Variants in RALGPS1 observed in about 807,000 individuals in gnomAD.
The protein encoded by RALGPS1 is ras-specific guanine nucleotide-releasing factor RalGPS1.
Under a neutral mutation model 78.8 loss-of-function variants are expected in RALGPS1, and 19 were observed. The observed-to-expected ratio is 0.24, with a 90% CI of 0.17 to 0.35. The LOEUF is 0.35. Among genes scored for constraint, RALGPS1 ranks in the 10% least tolerant of loss-of-function variants. The pLI is 1.00. For synonymous variants in RALGPS1, 228 were observed against 256.3 expected (o/e 0.89, Z 1.06); for missense variants, 454 against 688.3 (o/e 0.66, Z 3.81).
At chr9:127,075,963 C>A (rs1410469715) in intron 8 of RALGPS1, among the ~76,000 whole-genome samples, 1 of 152,156 alleles carries the variant, frequency 6.6e-6, no homozygotes, top group Non-Finnish European at 1.5e-5. Flanking sequence ...ATTGTAGAGC[C>A]AGTTGGCTGT....
chr9:127,108,713 T>TCAC, intron 8 of RALGPS1: 1 of 1,608,724 alleles, frequency 6.2e-7, no homozygotes, highest in Non-Finnish European at 8.5e-7. Flanking sequence ...CACCAGCATG[T>TCAC]CACGCACAGT....
chr9:126,918,994 A>G (rs1470263190), intron 1 of RALGPS1, among the ~76,000 whole-genome samples: 1 of 152,128 alleles, frequency 6.6e-6, no homozygotes, highest in Non-Finnish European at 1.5e-5. Context: ...TTTTAAGGCT[A>G]GTGAGGGAAT....
intron 4 of RALGPS1, among the ~76,000 whole-genome samples, chr9:127,008,150 A>G (rs2044020587): frequency 6.6e-6 from 1 of 151,964 alleles, no homozygotes; most frequent in Non-Finnish European, 1.5e-5. Context: ...CAAAAAAAAA[A>G]AAAAATGATG....
rs146424350 is a variant in RALGPS1 at position 127,184,514 on chromosome 9, G to A, written c.910+9732G>A. Among the ~76,000 whole-genome samples, 7 of 152,292 alleles carry A rather than the reference G, an allele frequency of 4.6e-5. No homozygotes were observed. In the East Asian group the frequency reaches 1.4e-3, roughly 29 times the overall value. Reference sequence around the variant, plus strand: ...CAACACAGACTTTCTGTGCAGAGGGGCCCCAGTGTCCTGGAGAGCCACAGG... The same window carrying A: ...CAACACAGACTTTCTGTGCAGAGGGACCCCAGTGTCCTGGAGAGCCACAGG... On this transcript the variant is annotated intron_variant, in intron 11 of 18. Coordinates refer to ENST00000259351, the MANE Select transcript of RALGPS1 (RefSeq NM_014636.3).
chr9:127,035,644 C>CTCCA (rs542207055), intron 5 of RALGPS1, among the ~76,000 whole-genome samples: 13 of 152,152 alleles, frequency 8.5e-5, no homozygotes, highest in Non-Finnish European at 1.6e-4. Flanking sequence ...GCTCAACCCT[C>CTCCA]TCCAGGCTTC....
At chr9:127,079,815 TC>T (rs931109745) in intron 8 of RALGPS1, 2 of 152,132 alleles carry the variant, frequency 1.3e-5, no homozygotes, top group African/African-American at 4.8e-5. Context: ...AAATTCCCAA[TC>T]CACAGAAACT....
intron 8 of RALGPS1, among the ~76,000 whole-genome samples, chr9:127,109,599 C>T (rs2054596437): frequency 6.6e-6 from 1 of 152,246 alleles, no homozygotes; most frequent in Admixed American, 6.5e-5. Context: ...GAGCAGAACA[C>T]AGAATGTGTC....
intron 3 of RALGPS1, among the ~76,000 whole-genome samples, chr9:126,975,890 C>A (rs1315061930): frequency 2.0e-5 from 3 of 152,200 alleles, no homozygotes; most frequent in Non-Finnish European, 4.4e-5. Flanking sequence ...TCCCACCTCT[C>A]AGCCAGGCTG....
intron 4 of RALGPS1, among the ~76,000 whole-genome samples, chr9:126,987,528 A>C (rs1036697689): frequency 6.6e-6 from 1 of 152,020 alleles, no homozygotes; most frequent in Non-Finnish European, 1.5e-5. Context: ...ATACTGGTAC[A>C]TGCCAAAGGC....
chr9:127,177,861 C>T (rs563501049), intron 11 of RALGPS1: 9 of 1,548,454 alleles, frequency 5.8e-6, no homozygotes, highest in East Asian at 2.4e-5. Flanking sequence ...TTCCCACAAT[C>T]CACCCACACC....
intron 3 of RALGPS1, among the ~76,000 whole-genome samples, chr9:126,977,111 A>G (rs2040739155): frequency 6.6e-6 from 1 of 152,170 alleles, no homozygotes; most frequent in Non-Finnish European, 1.5e-5. Flanking sequence ...GCTTGCTCTC[A>G]GCTTCTGTAC....
intron 14 of RALGPS1, among the ~76,000 whole-genome samples, chr9:127,199,825 C>A (rs975971110): frequency 1.3e-5 from 2 of 152,122 alleles, no homozygotes; most frequent in African/African-American, 4.8e-5. Flanking sequence ...TGAGAGGAGG[C>A]GGGAAACATC....
At chr9:126,958,136 A>AG (rs1433193518) in intron 1 of RALGPS1, among the ~76,000 whole-genome samples, 1 of 91,282 alleles carries the variant, frequency 1.1e-5, no homozygotes, top group African/African-American at 3.3e-5. Flanking sequence ...TAAAAAAAAA[A>AG]AAAAAAATAT....
intron 7 of RALGPS1, among the ~76,000 whole-genome samples, chr9:127,054,838 G>C (rs965059225): frequency 6.6e-6 from 1 of 152,114 alleles, no homozygotes; most frequent in African/African-American, 2.4e-5. Context: ...AATTAGCTGG[G>C]CATGGTAATG....
chr9:127,030,739 A>G (rs1382922057), intron 4 of RALGPS1, among the ~76,000 whole-genome samples: 1 of 152,056 alleles, frequency 6.6e-6, no homozygotes, highest in Admixed American at 6.6e-5. Context: ...CAGGGATGAC[A>G]GAGGGCATCA....
At chr9:127,106,342 G>A (rs866143639) in intron 8 of RALGPS1, among the ~76,000 whole-genome samples, 20 of 152,272 alleles carry the variant, frequency 1.3e-4, no homozygotes, top group African/African-American at 4.3e-4. Flanking sequence ...AAGCAGACAC[G>A]TGTACAGATG....
intron 1 of RALGPS1, among the ~76,000 whole-genome samples, chr9:126,950,245 T>C (rs935220815): frequency 6.0e-4 from 92 of 152,316 alleles, no homozygotes; most frequent in African/African-American, 1.9e-3. Context: ...AGTCAGGTAG[T>C]GTGATGCCTC....
chr9:127,082,801 C>T (rs115100405), intron 8 of RALGPS1, among the ~76,000 whole-genome samples: 198 of 152,254 alleles, frequency 1.3e-3, no homozygotes, highest in African/African-American at 4.6e-3. Context: ...ACATGGAAAG[C>T]ACCCTATAGA....
chr9:126,917,422 A>G lies in RALGPS1; in HGVS notation c.-66+2447A>G, dbSNP rs755746675. Among the ~76,000 whole-genome samples, 29 of 152,314 alleles carry G rather than the reference A, an allele frequency of 1.9e-4. 1 individual carries two copies. The highest frequency in any genetic ancestry group is 6.5e-5 in the Admixed American group (1 of 15,300). ...ATACTTCATTAATGAAAAATACTGC[A>G]TGTGAGGCTCTGTGATATGGCCCAC... is the stretch of plus-strand genomic sequence containing the variant. On this transcript the variant is annotated intron_variant, in intron 1 of 18. Coordinates refer to ENST00000259351, the MANE Select transcript of RALGPS1 (RefSeq NM_014636.3).
Sources: gnomAD v4.1 joint callset for allele counts (sites outside exome capture counted in the v4.1 genomes callset) on GRCh38, gnomAD v4.1.1 for gene constraint, MANE v1.5 for transcripts, NCBI Gene and HGNC (gene_info 2026-07-23, HGNC 2026-07-21) for gene names.